The following TBCEL variants were observed in gnomAD, a reference collection of about 807,000 sequenced individuals.
The protein encoded by TBCEL is tubulin folding cofactor E like, also known as tubulin-specific chaperone cofactor E-like protein.
TBCEL carries 15 observed loss-of-function variants against 44.2 expected under a neutral mutation model. The observed-to-expected ratio is 0.34, with a 90% CI of 0.23 to 0.52. The LOEUF is 0.52. Ranked by LOEUF, TBCEL falls within the 20% of genes least tolerant of loss-of-function variation. TBCEL has a pLI of 0.95. For synonymous variants in TBCEL, 171 were observed against 185.4 expected (o/e 0.92, Z 0.63); for missense variants, 319 against 506.3 (o/e 0.63, Z 3.55).
At chr11:121,045,376 C>G (rs1398322292) in intron 2 of TBCEL, among the ~76,000 whole-genome samples, 1 of 152,056 alleles carries the variant, frequency 6.6e-6, no homozygotes, top group African/African-American at 2.4e-5. Flanking sequence ...TCCTATGTAC[C>G]AGCCAAAAGC....
Position 121,053,679 on chromosome 11 carries a change from C to T in TBCEL, c.402C>T (p.Asn134=). 6.2e-7 allele frequency: 1 copy of T among 1,612,172 alleles called. No homozygotes were observed. Among genetic ancestry groups the T allele is most frequent in the Non-Finnish European group, 8.5e-7 (1 of 1,178,896 alleles). The change falls in exon 5 of 9, where the codon AAC becomes AAT. Residue 134 remains asparagine (N), a synonymous_variant. Transcript: ENST00000683345. ...CTGGGGTTCGCAAACTTGTCCTCAA[C>T]AACAGCAAAGCTTCTTGGGAGACGG... is the stretch of plus-strand genomic sequence containing the variant. ...SFSGVRKLVL[N]NSKASWETVH...
At chr11:121,028,009 C>T (rs998846749) in intron 1 of TBCEL, among the ~76,000 whole-genome samples, 1 of 151,952 alleles carries the variant, frequency 6.6e-6, no homozygotes, top group Admixed American at 6.6e-5. Context: ...GAGTCAAAGC[C>T]AACCTGGGCA....
At chr11:121,061,257 TTAATC>T (rs1280775038) in intron 8 of TBCEL, among the ~76,000 whole-genome samples, 1 of 152,040 alleles carries the variant, frequency 6.6e-6, no homozygotes, top group Non-Finnish European at 1.5e-5. Context: ...TTCATTTGGT[TTAATC>T]TAACATATTA....
At chr11:121,047,415 T>G (rs1418829909) in intron 3 of TBCEL, 113 bp from the exon 4 acceptor site, 2 of 1,271,110 alleles carry the variant, frequency 1.6e-6, no homozygotes, top group Non-Finnish European at 2.2e-6. Flanking sequence ...TTCTAGATCC[T>G]TATGTAATTT....
chr11:121,086,578 C>T (rs1013934131), intron 8 of TBCEL, among the ~76,000 whole-genome samples, 200 bp from the exon 9 acceptor site: 1 of 152,184 alleles, frequency 6.6e-6, no homozygotes, highest in African/African-American at 2.4e-5. Flanking sequence ...TGACCATCTT[C>T]AGGAAAAATG....
At chr11:121,084,466 G>A (rs1167678549) in intron 8 of TBCEL, among the ~76,000 whole-genome samples, 2 of 152,034 alleles carry the variant, frequency 1.3e-5, no homozygotes, top group Non-Finnish European at 2.9e-5. Flanking sequence ...TTCTGCCTCT[G>A]TCTTTTACTT....
chr11:121,055,320 G>C lies in TBCEL; in HGVS notation c.712+12G>C. 6.3e-7 allele frequency: 1 copy of C among 1,582,632 alleles called. No individual in the cohort carries two copies. Among genetic ancestry groups the C allele is most frequent in the Non-Finnish European group, 8.6e-7 (1 of 1,161,726 alleles). On this transcript the variant is annotated intron_variant, in intron 6 of 8. Transcript: ENST00000683345. Reference sequence around the variant, plus strand: ...CCTCCACAAGTCAGGTGAGGTTCAGGCTTGTTCTTATTCTACATGCAAATT... The same window carrying C: ...CCTCCACAAGTCAGGTGAGGTTCAGCCTTGTTCTTATTCTACATGCAAATT...
intron 4 of TBCEL, among the ~76,000 whole-genome samples, chr11:121,048,296 A>G (rs1218606280): frequency 1.3e-5 from 2 of 151,958 alleles, no homozygotes; most frequent in African/African-American, 4.8e-5. Flanking sequence ...AACTTTTCTT[A>G]TATTATCAAA....
chr11:121,060,056 G>A lies in TBCEL; in HGVS notation c.927G>A (p.Val309=). The change falls in exon 8 of 9, where the codon GTG becomes GTA. Residue 309 remains valine (V), a synonymous_variant. Coordinates refer to ENST00000683345, the MANE Select transcript of TBCEL (RefSeq NM_001363644.2). ...DSERFFIRYY[V]DVPQEEVPFR... is the part of the protein sequence containing the mutation. ...AGAGATTTTTTATTCGTTACTATGT[G>A]GATGTTCCACAGGAAGAAGTGCCAT... 1 of 1,611,496 alleles carries A rather than the reference G, an allele frequency of 6.2e-7. No individual in the cohort carries two copies. Among genetic ancestry groups the A allele is most frequent in the Non-Finnish European group, 8.5e-7 (1 of 1,178,404 alleles).
At chr11:121,047,505 A>G (rs1475153173) in intron 3 of TBCEL, 23 bp from the exon 4 acceptor site, 7 of 1,609,782 alleles carry the variant, frequency 4.3e-6, no homozygotes, top group South Asian at 2.2e-5. Flanking sequence ...TATAGAAAAC[A>G]TTTTGTGTCT....
At chr11:121,048,371 T>G (rs958353538) in intron 4 of TBCEL, among the ~76,000 whole-genome samples, 1 of 151,902 alleles carries the variant, frequency 6.6e-6, no homozygotes, top group Non-Finnish European at 1.5e-5. Flanking sequence ...ACACACATAG[T>G]TTGTAAAAGT....
chr11:121,039,107 T>C (rs957282349), intron 2 of TBCEL, among the ~76,000 whole-genome samples: 1 of 152,208 alleles, frequency 6.6e-6, no homozygotes, highest in Non-Finnish European at 1.5e-5. Flanking sequence ...AAGAAAGTCA[T>C]GACCTTACTG....
intron 8 of TBCEL, among the ~76,000 whole-genome samples, chr11:121,075,258 G>C (rs1222357846): frequency 1.3e-5 from 2 of 151,890 alleles, no homozygotes; most frequent in Non-Finnish European, 2.9e-5. Context: ...ATACTTTCCT[G>C]ATTTCTGAAA....
chr11:121,047,747 C>A, intron 4 of TBCEL, 80 bp downstream of exon 4: 1 of 1,525,258 alleles, frequency 6.6e-7, no homozygotes, highest in Non-Finnish European at 8.9e-7. Flanking sequence ...ATATGTTCTG[C>A]TAAATTCTGT....
intron 8 of TBCEL, among the ~76,000 whole-genome samples, chr11:121,085,652 C>T (rs1379710524): frequency 2.0e-5 from 3 of 152,146 alleles, no homozygotes; most frequent in African/African-American, 7.2e-5. Flanking sequence ...TTACTTCCAT[C>T]TCTAAGCACA....
chr11:121,070,168 A>C (rs1052939719), intron 8 of TBCEL, among the ~76,000 whole-genome samples: 31 of 152,226 alleles, frequency 2.0e-4, no homozygotes, highest in African/African-American at 6.5e-4. Flanking sequence ...ATCTCACACC[A>C]GTTAGAATGG....
intron 1 of TBCEL, among the ~76,000 whole-genome samples, chr11:121,025,745 G>A (rs1283379427): frequency 4.0e-5 from 6 of 150,612 alleles, no homozygotes; most frequent in African/African-American, 1.2e-4. Context: ...TATTTTGGCC[G>A]GGGGAGAGGG....
At chr11:121,072,945 G>A (rs770866590) in intron 8 of TBCEL, among the ~76,000 whole-genome samples, 22 of 152,166 alleles carry the variant, frequency 1.4e-4, no homozygotes, top group Non-Finnish European at 2.8e-4. Flanking sequence ...TGCCACATCT[G>A]TCATATGTCT....
rs1230334925 is a variant in TBCEL, at chr11:121,024,174, G to GGGCTGGCCGGGACCAGGCCCGA, written c.-237_-216dup. The GGGCTGGCCGGGACCAGGCCCGA allele has an allele frequency of 6.5e-6, 1 of 153,316 alleles. No individual in the cohort carries two copies. The highest frequency in any genetic ancestry group is 1.5e-5 in the Non-Finnish European group (1 of 68,604). 9.5% of individuals were successfully genotyped at this position (153,316 alleles called of 1,614,324 possible). On this transcript the variant is annotated 5_prime_UTR_variant, in exon 1 of 9. Transcript: ENST00000683345. ...GACTAGGTGAAGCGGCGCCGGGCCG[G>GGGCTGGCCGGGACCAGGCCCGA]GGCTGGCCGGGACCAGGCCCGAGGC...
Sources: allele counts gnomAD v4.1 joint callset (sites outside exome capture counted in the v4.1 genomes callset), GRCh38; gene constraint gnomAD v4.1.1; transcripts MANE v1.5; gene names NCBI Gene and HGNC (gene_info 2026-07-23, HGNC 2026-07-21).